The following TMBIM4 variants were observed in gnomAD, a reference collection of about 807,000 sequenced individuals.
TMBIM4 encodes the protein transmembrane BAX inhibitor motif containing 4, also known as protein lifeguard 4.
Under a neutral mutation model 27.7 loss-of-function variants are expected in TMBIM4, and 28 were observed. The ratio of observed to expected loss-of-function variants is 1.01; its 90% CI spans 0.75 to 1.38. The LOEUF (loss-of-function observed/expected upper bound fraction) is 1.38, where lower values mean the gene tolerates loss of function less well. TMBIM4 is among the 40% of genes most tolerant of loss of function. The pLI, the probability that TMBIM4 is intolerant of heterozygous loss-of-function variation, is 0.00. For missense variants in TMBIM4, 265 were observed against 277.5 expected (o/e 0.95, Z 0.32); for synonymous variants, 115 against 113.1 (o/e 1.02, Z -0.11).
intron 1 of TMBIM4, among the ~76,000 whole-genome samples, chr12:66,154,018 A>C (rs972157334): frequency 6.6e-6 from 1 of 152,152 alleles, no homozygotes; most frequent in Non-Finnish European, 1.5e-5. Flanking sequence ...TTTGTTATCA[A>C]TACCCAGAAA....
At chr12:66,167,543 A>C (rs901450385) in intron 1 of TMBIM4, among the ~76,000 whole-genome samples, 1 of 152,222 alleles carries the variant, frequency 6.6e-6, no homozygotes, top group African/African-American at 2.4e-5. Flanking sequence ...ATCAAAACCA[A>C]AAGGACATAC....
intron 1 of TMBIM4, among the ~76,000 whole-genome samples, chr12:66,162,904 G>A: frequency 6.6e-6 from 1 of 152,134 alleles, no homozygotes; most frequent in Middle Eastern, 3.2e-3. Context: ...ATCATAGTTT[G>A]GCTAGTGGCC....
intron 1 of TMBIM4, chr12:66,160,418 G>A (rs2052015245): frequency 3.6e-6 from 2 of 563,150 alleles, no homozygotes; most frequent in South Asian, 2.4e-5. Flanking sequence ...ATAAAAGGAT[G>A]TTCCCTGAGG....
chr12:66,160,124 A>T, intron 1 of TMBIM4: 1 of 693,850 alleles, frequency 1.4e-6, no homozygotes, highest in Non-Finnish European at 2.6e-6. Flanking sequence ...AGGAGCTGCA[A>T]CAGATATCTT....
At chr12:66,164,222 G>A (rs975540556) in intron 1 of TMBIM4, among the ~76,000 whole-genome samples, 15 of 152,002 alleles carry the variant, frequency 9.9e-5, no homozygotes, top group Non-Finnish European at 1.6e-4. Flanking sequence ...TATGCAAACC[G>A]ACCCCCAAAT....
At position 66,139,023 on chromosome 12, in the gene TMBIM4, A is replaced by C. The variant is rs147708824; in HGVS notation, c.465-254T>G. ...ACCTAGTTAACAGTATAATTTGTGA[A>C]GTTTTGGAACATAAAATACAGATAA... On this transcript the variant is annotated intron_variant, in intron 5 of 6. Transcript: ENST00000358230. 6.4e-3 allele frequency: 2,138 copies of C among 331,588 alleles called. 16 individuals carry two copies. Among genetic ancestry groups the C allele is most frequent in the Middle Eastern group, 0.02 (22 of 1,078 alleles). The allele number at this position is 331,588 out of a possible 1,614,324, so 20.5% of individuals were successfully genotyped here. A position where few individuals can be genotyped will look rare whatever the true frequency, so the allele number is the denominator to read the frequency against.
At position 66,155,332 on chromosome 12, in the gene TMBIM4, G is replaced by A. The variant is rs201079900; in HGVS notation, c.98-1884C>T. On this transcript the variant is annotated intron_variant, in intron 1 of 6. Coordinates refer to ENST00000358230, the MANE Select transcript of TMBIM4 (RefSeq NM_016056.4). The stretch of plus-strand genomic sequence containing the variant: ...ACCAGGATGGGGTGTGTGTGCACAC[G>A]TGTGAGAGAGAGAGAGAGAGAGAGA... Among the ~76,000 whole-genome samples the A allele has an allele frequency of 2.6e-4, 35 of 135,758 alleles. No individual in the cohort carries two copies. The East Asian group carries it at 6.5e-3, about 25-fold the overall frequency. 89.1% of individuals were successfully genotyped at this position (135,758 alleles called of 152,430 possible).
chr12:66,156,709 C>G (rs2051942320), intron 1 of TMBIM4, among the ~76,000 whole-genome samples: 1 of 152,212 alleles, frequency 6.6e-6, no homozygotes, highest in African/African-American at 2.4e-5. Context: ...CCAATCTCAT[C>G]TCAGCACTCT....
intron 5 of TMBIM4, among the ~76,000 whole-genome samples, chr12:66,141,717 A>G (rs2051671768): frequency 6.6e-6 from 1 of 152,180 alleles, no homozygotes; most frequent in Non-Finnish European, 1.5e-5. Flanking sequence ...TTTTAGGGCA[A>G]TGATATTACT....
intron 3 of TMBIM4, among the ~76,000 whole-genome samples, chr12:66,151,423 G>A (rs2051843521): frequency 6.6e-6 from 1 of 152,030 alleles, no homozygotes; most frequent in African/African-American, 2.4e-5. Context: ...TTTTTTTGTA[G>A]AGGTGGGGTC....
Position 66,137,884 on chromosome 12 carries a change from T to G in TMBIM4, c.*76A>C. On this transcript the variant is annotated 3_prime_UTR_variant, in exon 7 of 7. Coordinates refer to ENST00000358230, the MANE Select transcript of TMBIM4 (RefSeq NM_016056.4). The stretch of plus-strand genomic sequence containing the variant: ...ACTTAATGAAACAGTTTCTATATAC[T>G]GCTTCCAATTACTTTAATCCTTTTT... The G allele has an allele frequency of 3.3e-6, 4 of 1,196,954 alleles. No individual in the cohort carries two copies. The highest frequency in any genetic ancestry group is 4.9e-6 in the Non-Finnish European group (4 of 823,440). 74.1% of individuals were successfully genotyped at this position (1,196,954 alleles called of 1,614,324 possible).
chr12:66,155,360 G>GAGAGAGAGAGAGAGA (rs59460611), intron 1 of TMBIM4, among the ~76,000 whole-genome samples: 37 of 150,098 alleles, frequency 2.5e-4, no homozygotes, highest in Non-Finnish European at 4.1e-4. Flanking sequence ...GAGAGAGAGA[G>GAGAGAGAGAGAGAGA]GCAGGGTCTC....
At chr12:66,151,512 T>TACAG (rs988831713) in intron 3 of TMBIM4, among the ~76,000 whole-genome samples, 59 of 152,348 alleles carry the variant, frequency 3.9e-4, no homozygotes, top group Non-Finnish European at 3.8e-4. Context: ...GTGCTGGGAT[T>TACAG]ACAGGCATGA....
chr12:66,145,600 A>ATT (rs35000393), intron 5 of TMBIM4, among the ~76,000 whole-genome samples: 5 of 148,940 alleles, frequency 3.4e-5, no homozygotes, highest in East Asian at 2.0e-4. Context: ...TGGAAAGCTT[A>ATT]TTTTTTTTTT....
chr12:66,166,794 T>C (rs575849980), intron 1 of TMBIM4, among the ~76,000 whole-genome samples: 6 of 152,346 alleles, frequency 3.9e-5, no homozygotes, highest in African/African-American at 1.2e-4. Context: ...TGCTGCTTGG[T>C]ATTTACCCAA....
At chr12:66,169,437 G>A (rs1044931913) in intron 1 of TMBIM4, 11 of 519,870 alleles carry the variant, frequency 2.1e-5, no homozygotes, top group Non-Finnish European at 3.4e-5. Flanking sequence ...AAACCCCACA[G>A]AACAAAAACA....
In TMBIM4 at chr12:66,137,007, C is replaced by T. The variant is rs1173017167; in HGVS notation, c.*953G>A. 2 of 152,172 alleles carry T rather than the reference C, an allele frequency of 1.3e-5. No homozygotes were observed. Among genetic ancestry groups the T allele is most frequent in the Admixed American group, 6.5e-5 (1 of 15,282 alleles). The allele number at this position is 152,172 out of a possible 1,614,324, so 9.4% of individuals were successfully genotyped here. A position where few individuals can be genotyped will look rare whatever the true frequency, so the allele number is the denominator to read the frequency against. ...GATGACCCAGTATCTTTGGTGTCCT[C>T]TAACCACATTACCATTCTATAATTT... On this transcript the variant is annotated 3_prime_UTR_variant, in exon 7 of 7. Transcript: ENST00000358230.
At position 66,146,033 on chromosome 12, in the gene TMBIM4, G is replaced by C. The variant is rs563375269; in HGVS notation, c.347-75C>G. On this transcript the variant is annotated intron_variant, in intron 4 of 6. Transcript: ENST00000358230. The stretch of plus-strand genomic sequence containing the variant: ...AAACAGCTTTTTCTGGCATTTTATA[G>C]AAATGCTTCATTTTCTCCTGTACTT... 6 of 709,114 alleles carry C rather than the reference G, an allele frequency of 8.5e-6. No individual in the cohort carries two copies. The South Asian group carries it at 1.2e-4, about 14-fold the overall frequency. 43.9% of individuals were successfully genotyped at this position (709,114 alleles called of 1,614,324 possible). A position where few individuals can be genotyped will look rare whatever the true frequency, so the allele number is the denominator to read the frequency against.
intron 1 of TMBIM4, among the ~76,000 whole-genome samples, chr12:66,159,669 A>C (rs1369743358): frequency 6.6e-6 from 1 of 152,234 alleles, no homozygotes; most frequent in Non-Finnish European, 1.5e-5. Context: ...TCCACCCGCC[A>C]TCTCCCTTAA....
Sources: gnomAD v4.1 joint callset for allele counts (sites outside exome capture counted in the v4.1 genomes callset) on GRCh38, gnomAD v4.1.1 for gene constraint, MANE v1.5 for transcripts, NCBI Gene and HGNC (gene_info 2026-07-23, HGNC 2026-07-21) for gene names.